The following DPYSL5 variants were observed in gnomAD, a reference collection of about 807,000 sequenced individuals.
The protein encoded by DPYSL5 is dihydropyrimidinase-related protein 5.
DPYSL5 carries 9 observed loss-of-function variants against 58.4 expected under a neutral mutation model. The ratio of observed to expected loss-of-function variants is 0.15; its 90% CI spans 0.09 to 0.27. DPYSL5 has a LOEUF of 0.27. Ranked by LOEUF, DPYSL5 falls within the 10% of genes least tolerant of loss-of-function variation. DPYSL5 has a pLI of 1.00. For missense variants in DPYSL5, 499 were observed against 770.6 expected (o/e 0.65, Z 4.17); for synonymous variants, 293 against 301.9 (o/e 0.97, Z 0.31).
intron 2 of DPYSL5, among the ~76,000 whole-genome samples, chr2:26,923,186 C>T (rs1459514588): frequency 1.3e-5 from 2 of 152,192 alleles, no homozygotes; most frequent in Admixed American, 1.3e-4. Flanking sequence ...TAAATTCTGG[C>T]TGGGTGCAGT....
At chr2:26,932,208 A>AAAGAAAGAAAGAAAGAAAAG (rs1178078504) in intron 6 of DPYSL5, among the ~76,000 whole-genome samples, 3 of 70,170 alleles carry the variant, frequency 4.3e-5, no homozygotes, top group East Asian at 3.8e-4. Context: ...AGAAAGAAAG[A>AAAGAAAGAAAGAAAGAAAAG]AAAGAAAGAA....
intron 1 of DPYSL5, among the ~76,000 whole-genome samples, chr2:26,878,500 C>A (rs1254157276): frequency 6.6e-6 from 1 of 152,090 alleles, no homozygotes; most frequent in Admixed American, 6.5e-5. Context: ...ATTGTATAGT[C>A]TAAATTACTC....
rs1396303554 is a variant in DPYSL5 at position 26,944,553 on chromosome 2, G to A, written c.1441-103G>A. The stretch of plus-strand genomic sequence containing the variant: ...CAGTGATTTGGGTCTTGGGCAGAGT[G>A]GCAGTGTCTAATGTCCCACCGGCCC... On this transcript the variant is annotated intron_variant, in intron 11 of 12. Transcript: ENST00000288699. The surrounding 1 kb of genome is among the most constrained non-coding windows in gnomAD (Gnocchi z 4.4). 2.3e-6 allele frequency: 3 copies of A among 1,317,828 alleles called. No homozygotes were observed. Among genetic ancestry groups the A allele is most frequent in the Non-Finnish European group, 3.2e-6 (3 of 951,110 alleles). The allele number at this position is 1,317,828 out of a possible 1,614,324, so 81.6% of individuals were successfully genotyped here. A position where few individuals can be genotyped will look rare whatever the true frequency, so the allele number is the denominator to read the frequency against.
intron 12 of DPYSL5, among the ~76,000 whole-genome samples, chr2:26,945,213 A>T (rs1356553656): frequency 7.1e-6 from 1 of 139,938 alleles, no homozygotes; most frequent in Non-Finnish European, 1.6e-5. Flanking sequence ...ACCCCAGCCC[A>T]CTCCTCACCA....
At chr2:26,932,046 AAGG>A (rs1665007164) in intron 6 of DPYSL5, among the ~76,000 whole-genome samples, 1 of 63,686 alleles carries the variant, frequency 1.6e-5, no homozygotes, top group East Asian at 3.5e-4. Flanking sequence ...AAAAGAAAGA[AAGG>A]AAAGAAAGAA....
chr2:26,877,524 G>A lies in DPYSL5; in HGVS notation c.-4-20972G>A, dbSNP rs1663444753. ...TGGGAAGATCATGTCAACCCTTGGA[G>A]CAGCTAGTGTTTAATCATCTCCTGC... On this transcript the variant is annotated intron_variant, in intron 1 of 12. Coordinates refer to ENST00000288699, the MANE Select transcript of DPYSL5 (RefSeq NM_020134.4). The surrounding 1 kb of genome is among the most constrained non-coding windows in gnomAD (Gnocchi z 4.1). Among the ~76,000 whole-genome samples the A allele has an allele frequency of 6.6e-6, 1 of 152,154 alleles. No individual in the cohort carries two copies. The highest frequency in any genetic ancestry group is 6.5e-5 in the Admixed American group (1 of 15,276).
Position 26,924,810 on chromosome 2 carries a change from G to A in DPYSL5, c.262-77G>A. ...CAGGGCCTGTCTTTGAATGGACCAT[G>A]AGGACCATGTCTCACCACATCATTG... is the stretch of plus-strand genomic sequence containing the variant. On this transcript the variant is annotated intron_variant, in intron 2 of 12. Coordinates refer to ENST00000288699, the MANE Select transcript of DPYSL5 (RefSeq NM_020134.4). The surrounding 1 kb of genome is among the most constrained non-coding windows in gnomAD (Gnocchi z 4.7). 6.5e-7 allele frequency: 1 copy of A among 1,533,844 alleles called. No homozygotes were observed. Among genetic ancestry groups the A allele is most frequent in the Non-Finnish European group, 8.8e-7 (1 of 1,136,818 alleles).
Position 26,898,420 on chromosome 2 carries a change from G to A in DPYSL5, c.-4-76G>A. On this transcript the variant is annotated intron_variant, in intron 1 of 12. Transcript: ENST00000288699. The surrounding 1 kb of genome is among the most constrained non-coding windows in gnomAD (Gnocchi z 6.1). ...TCACTTACCCTGACCATGGAATTTGGGCTTTGATAGGAGGGATGGGAAACT... is the reference window on the plus strand; with the variant it reads ...TCACTTACCCTGACCATGGAATTTGAGCTTTGATAGGAGGGATGGGAAACT... The A allele has an allele frequency of 1.3e-6, 2 of 1,562,782 alleles. No homozygotes were observed. The highest frequency in any genetic ancestry group is 1.7e-6 in the Non-Finnish European group (2 of 1,150,134).
In DPYSL5 at chr2:26,928,704, T is replaced by TACACACACACACACACACACACAC; in HGVS notation, c.669+394_669+395insCACACACACACACACACACACACA. On this transcript the variant is annotated intron_variant, in intron 5 of 12. Transcript: ENST00000288699. The stretch of plus-strand genomic sequence containing the variant: ...GTGATAGAGTATATATATATATATA[T>TACACACACACACACACACACACAC]ACACACACACACATACATATATATA... 2.0e-3 allele frequency among the ~76,000 whole-genome samples: 128 copies of TACACACACACACACACACACACAC among 62,902 alleles called. 2 individuals are homozygous for TACACACACACACACACACACACAC. Among genetic ancestry groups the TACACACACACACACACACACACAC allele is most frequent in the Non-Finnish European group, 3.2e-3 (98 of 30,318 alleles). 41.3% of individuals were successfully genotyped at this position (62,902 alleles called of 152,430 possible). A position where few individuals can be genotyped will look rare whatever the true frequency, so the allele number is the denominator to read the frequency against.
intron 9 of DPYSL5, 105 bp from the exon 10 acceptor site, chr2:26,941,845 C>G: frequency 6.7e-7 from 1 of 1,495,802 alleles, no homozygotes; most frequent in Admixed American, 1.8e-5. Flanking sequence ...GACCACTGTC[C>G]TGACCACCTA....
At chr2:26,850,915 A>G (rs1665733843) in intron 1 of DPYSL5, among the ~76,000 whole-genome samples, 1 of 152,166 alleles carries the variant, frequency 6.6e-6, no homozygotes. Flanking sequence ...AACATTGCTC[A>G]TTGGTTGTTT....
intron 1 of DPYSL5, among the ~76,000 whole-genome samples, chr2:26,859,840 GTTT>G (rs1323279906): frequency 6.6e-6 from 1 of 152,144 alleles, no homozygotes; most frequent in Non-Finnish European, 1.5e-5. Flanking sequence ...GGAGAGAGAG[GTTT>G]ACTGTCTGAT....
intron 2 of DPYSL5, among the ~76,000 whole-genome samples, chr2:26,899,699 G>A (rs956269016): frequency 1.3e-5 from 2 of 152,144 alleles, no homozygotes; most frequent in Non-Finnish European, 2.9e-5. Flanking sequence ...CCAATCCAGG[G>A]GCTGCAGACC....
intron 2 of DPYSL5, among the ~76,000 whole-genome samples, chr2:26,913,447 C>G (rs1235602633): frequency 6.6e-6 from 1 of 152,174 alleles, no homozygotes; most frequent in Non-Finnish European, 1.5e-5. Context: ...GAATGTCCTT[C>G]CTTTTTAAGG....
intron 5 of DPYSL5, among the ~76,000 whole-genome samples, chr2:26,930,491 C>G (rs1664942770): frequency 6.6e-6 from 1 of 152,180 alleles, no homozygotes; most frequent in African/African-American, 2.4e-5. Context: ...AGTGATACTG[C>G]TAAACATCCC....
At chr2:26,886,759 A>T (rs1663729355) in intron 1 of DPYSL5, among the ~76,000 whole-genome samples, 1 of 152,144 alleles carries the variant, frequency 6.6e-6, no homozygotes, top group Admixed American at 6.5e-5. Context: ...ACTCAAAGAG[A>T]ATCCCTTCCC....
chr2:26,913,523 C>G (rs992223837), intron 2 of DPYSL5, among the ~76,000 whole-genome samples: 3 of 152,308 alleles, frequency 2.0e-5, no homozygotes, highest in Admixed American at 2.0e-4. Flanking sequence ...TCTATGGATA[C>G]CTAGGTTGCT....
In DPYSL5 at chr2:26,905,938, C is replaced by G. The variant is rs1330704883; in HGVS notation, c.261+7178C>G. Among the ~76,000 whole-genome samples, 1 of 152,192 alleles carries G rather than the reference C, an allele frequency of 6.6e-6. No individual in the cohort carries two copies. The highest frequency in any genetic ancestry group is 1.5e-5 in the Non-Finnish European group (1 of 68,046). ...AGGTGTCAATGGGCTGCATTCTCAT[C>G]TGGAGTCCAGGGTTCTCTGCCAAGC... is the stretch of plus-strand genomic sequence containing the variant. On this transcript the variant is annotated intron_variant, in intron 2 of 12. Coordinates refer to ENST00000288699, the MANE Select transcript of DPYSL5 (RefSeq NM_020134.4). This position sits in a 1 kb window ranked among gnomAD's most constrained non-coding sequence, Gnocchi z 4.0.
chr2:26,931,201 GTGTATATATATATATATA>G (rs1404936666), intron 5 of DPYSL5, among the ~76,000 whole-genome samples: 129 of 54,554 alleles, frequency 2.4e-3, no homozygotes, highest in African/African-American at 8.1e-3. Flanking sequence ...GTGTGTGTGT[GTGTATATATATATATATA>G]TATATATATA....
Sources: allele counts gnomAD v4.1 joint callset (sites outside exome capture counted in the v4.1 genomes callset), GRCh38; gene constraint gnomAD v4.1.1; non-coding constraint Gnocchi (gnomAD v3.1); transcripts MANE v1.5; gene names NCBI Gene and HGNC (gene_info 2026-07-23, HGNC 2026-07-21).